The following CCDC60 variants were observed in gnomAD, a reference collection of about 807,000 sequenced individuals.
CCDC60 encodes the protein coiled-coil domain containing 60.
Under a neutral mutation model 63.5 loss-of-function variants are expected in CCDC60, and 54 were observed. The observed-to-expected ratio is 0.85, with a 90% confidence interval of 0.68 to 1.07. The LOEUF (loss-of-function observed/expected upper bound fraction) is 1.07. Among genes scored for constraint, CCDC60 ranks in the 50% least tolerant of loss-of-function variants. CCDC60 has a pLI of 0.00. For synonymous variants in CCDC60, 206 were observed against 238.8 expected, an observed-to-expected ratio of 0.86 and a Z score of 1.27; for missense variants, 651 against 684.3, an observed-to-expected ratio of 0.95 and a Z score of 0.54.
intron 1 of CCDC60, among the ~76,000 whole-genome samples, chr12:119,346,821 TTTCTTTCTTTC>T (rs753649052): frequency 0.013 from 1,708 of 135,728 alleles, 24 homozygotes; most frequent in Middle Eastern, 0.024. Flanking sequence ...TCTTTCTTTC[TTTCTTTCTTTC>T]TTTTTTTTTT....
chr12:119,369,553 T>C (rs1955877535), intron 1 of CCDC60, among the ~76,000 whole-genome samples: 1 of 152,182 alleles, frequency 6.6e-6, no homozygotes, highest in African/African-American at 2.4e-5. Context: ...CACTGATGCA[T>C]AGTGGTTAAG....
rs949801802 is a variant in CCDC60 at position 119,522,640 on chromosome 12, C to T, written c.1041-299C>T. Among the ~76,000 whole-genome samples the T allele has an allele frequency of 4.6e-5, 7 of 152,100 alleles. No homozygotes were observed. In the East Asian group the frequency reaches 9.6e-4, roughly 21 times the overall value. ...ACGTAATCCCGACAATATGCAGAGGCGGAAGGTCAAAGTTAGACACAGGAG... is the reference window on the plus strand; with the variant it reads ...ACGTAATCCCGACAATATGCAGAGGTGGAAGGTCAAAGTTAGACACAGGAG... On this transcript the variant is annotated intron_variant, in intron 9 of 13. Coordinates refer to ENST00000327554, the MANE Select transcript of CCDC60 (RefSeq NM_178499.5).
At chr12:119,426,635 G>A (rs116472785) in intron 1 of CCDC60, among the ~76,000 whole-genome samples, 31 of 152,208 alleles carry the variant, frequency 2.0e-4, no homozygotes, top group African/African-American at 5.5e-4. Context: ...CTAGGATTAC[G>A]GACATGAGCC....
At chr12:119,335,428 G>A (rs1366165044) in intron 1 of CCDC60, among the ~76,000 whole-genome samples, 162 bp downstream of exon 1, 1 of 151,502 alleles carries the variant, frequency 6.6e-6, no homozygotes, top group Non-Finnish European at 1.5e-5. Context: ...GTGTAAAAGT[G>A]TTCCTATTTC....
intron 3 of CCDC60, among the ~76,000 whole-genome samples, chr12:119,472,576 C>CTTTTTT (rs11303138): frequency 8.2e-5 from 8 of 97,644 alleles, no homozygotes; most frequent in Admixed American, 1.2e-4. Flanking sequence ...AAAATGCCTC[C>CTTTTTT]TTTTTTTTTT....
At chr12:119,419,338 C>T (rs1480205637) in intron 1 of CCDC60, among the ~76,000 whole-genome samples, 4 of 152,126 alleles carry the variant, frequency 2.6e-5, no homozygotes, top group Non-Finnish European at 5.9e-5. Flanking sequence ...TTTCTGATTG[C>T]TTTCTCATGA....
intron 7 of CCDC60, among the ~76,000 whole-genome samples, chr12:119,508,835 AT>A (rs371028273): frequency 2.3e-4 from 34 of 149,650 alleles, no homozygotes; most frequent in Middle Eastern, 3.5e-3. Flanking sequence ...CCATGTCTTC[AT>A]TTTTTTTTTC....
rs1338391472 is a variant in CCDC60, at chr12:119,540,628, CA to C, written c.1567del (p.Ile523SerfsTer27). The C allele has an allele frequency of 3.1e-6, 5 of 1,613,622 alleles. No homozygotes were observed. In the African/African-American group the frequency reaches 6.7e-5, roughly 22 times the overall value. ...AVAIEFVREH[I>X]IHMPQEDYIS... ...CTGCCTCACAGTTTGTGCGAGAACA[CA>C]TCATCCATATGCCTCAAGAGGATTA... On this transcript the variant is annotated frameshift_variant, in exon 14 of 14. Transcript: ENST00000327554. LOFTEE classifies it low-confidence loss of function (END_TRUNC).
chr12:119,443,416 T>C (rs990085307), intron 2 of CCDC60, among the ~76,000 whole-genome samples: 2 of 152,196 alleles, frequency 1.3e-5, no homozygotes, highest in East Asian at 3.8e-4. Context: ...GCCAGAAATC[T>C]CACAAGCTCA....
chr12:119,530,258 G>C (rs1260698303), intron 12 of CCDC60, among the ~76,000 whole-genome samples: 1 of 141,642 alleles, frequency 7.1e-6, no homozygotes, highest in Non-Finnish European at 1.5e-5. Context: ...TATAGCAAGG[G>C]GTGAGGGAGT....
At chr12:119,419,643 G>A (rs1956772601) in intron 1 of CCDC60, among the ~76,000 whole-genome samples, 1 of 152,046 alleles carries the variant, frequency 6.6e-6, no homozygotes, top group African/African-American at 2.4e-5. Flanking sequence ...GCAGAGCCAG[G>A]CCCTGTACCA....
At position 119,392,051 on chromosome 12, in the gene CCDC60, C is replaced by T. The variant is rs549440875; in HGVS notation, c.91-36632C>T. On this transcript the variant is annotated intron_variant, in intron 1 of 13. Coordinates refer to ENST00000327554, the MANE Select transcript of CCDC60 (RefSeq NM_178499.5). ...GATTACAAGACCAGCTAACTCAGGC[C>T]CCCCTCAATCATAAGTAACATAAAC... Among the ~76,000 whole-genome samples, 6 of 152,172 alleles carry T rather than the reference C, an allele frequency of 3.9e-5. No homozygotes were observed. The South Asian group carries it at 8.3e-4, about 21-fold the overall frequency.
chr12:119,456,052 A>C lies in CCDC60; in HGVS notation c.171-15942A>C, dbSNP rs200126092. 0.019 allele frequency among the ~76,000 whole-genome samples: 2,216 copies of C among 114,026 alleles called. 50 individuals are homozygous for C. Among genetic ancestry groups the C allele is most frequent in the Non-Finnish European group, 0.032 (1,644 of 51,530 alleles). 74.8% of individuals were successfully genotyped at this position (114,026 alleles called of 152,430 possible). ...GAAAGAAAGAAAGAAAGAAAGAAAG[A>C]AAGAAAGAAAGCAAGCAAGCATGTG... On this transcript the variant is annotated intron_variant, in intron 2 of 13. Coordinates refer to ENST00000327554, the MANE Select transcript of CCDC60 (RefSeq NM_178499.5). This position sits in a 1 kb window ranked among gnomAD's most constrained non-coding sequence, Gnocchi z 4.6.
At chr12:119,359,289 G>A (rs1348464914) in intron 1 of CCDC60, among the ~76,000 whole-genome samples, 6 of 152,048 alleles carry the variant, frequency 3.9e-5, no homozygotes, top group African/African-American at 1.4e-4. Flanking sequence ...TTTTTCCGTT[G>A]TTATACACAT....
In CCDC60 at chr12:119,540,904, C is replaced by A; in HGVS notation, c.*189C>A. On this transcript the variant is annotated 3_prime_UTR_variant, in exon 14 of 14. Transcript: ENST00000327554. ...AGAGGGGGATGGCCCCGGTGGCCCT[C>A]CCCTCAATTCCACACCCCAGACCCA... 1 of 546,746 alleles carries A rather than the reference C, an allele frequency of 1.8e-6. No homozygotes were observed. Among genetic ancestry groups the A allele is most frequent in the Non-Finnish European group, 3.2e-6 (1 of 308,858 alleles). 33.9% of individuals were successfully genotyped at this position (546,746 alleles called of 1,614,324 possible).
intron 2 of CCDC60, among the ~76,000 whole-genome samples, chr12:119,455,929 GAA>G (rs199984194): frequency 1.5e-4 from 12 of 78,650 alleles, no homozygotes; most frequent in South Asian, 8.0e-4. Context: ...AGGAAAGAAA[GAA>G]AGAGAAAGAG....
intron 1 of CCDC60, among the ~76,000 whole-genome samples, chr12:119,416,240 G>A (rs780067913): frequency 3.2e-4 from 49 of 152,086 alleles, no homozygotes; most frequent in Non-Finnish European, 5.0e-4. Flanking sequence ...TTAGCCGGGC[G>A]AGGTGTTGCA....
At chr12:119,493,826 C>T (rs138366953) in intron 5 of CCDC60, among the ~76,000 whole-genome samples, 9 of 151,750 alleles carry the variant, frequency 5.9e-5, no homozygotes, top group African/African-American at 1.7e-4. Flanking sequence ...TTTCAGAATT[C>T]TGAGGGTTTT....
chr12:119,400,067 T>G (rs1178681828), intron 1 of CCDC60, among the ~76,000 whole-genome samples: 1 of 149,842 alleles, frequency 6.7e-6, no homozygotes, highest in Admixed American at 6.6e-5. Flanking sequence ...TTTTTTTTTT[T>G]GAGACGGAGT....
Sources: gnomAD v4.1 joint callset for allele counts (sites outside exome capture counted in the v4.1 genomes callset) on GRCh38, gnomAD v4.1.1 for gene constraint, Gnocchi (gnomAD v3.1) non-coding constraint, MANE v1.5 for transcripts, NCBI Gene and HGNC (gene_info 2026-07-23, HGNC 2026-07-21) for gene names.